NGDN: variants seen among roughly 807,000 people sequenced by gnomAD.
NGDN encodes EIF4E-binding protein.
NGDN carries 41 observed loss-of-function variants against 45.2 expected under a neutral mutation model. The ratio of observed to expected loss-of-function variants is 0.91; its 90% CI spans 0.71 to 1.18. The LOEUF (loss-of-function observed/expected upper bound fraction) is 1.18, where lower values mean the gene tolerates loss of function less well. Among genes scored for constraint, NGDN ranks in the 50% most tolerant of loss-of-function variants. The pLI is 0.00. For synonymous variants in NGDN, 137 were observed against 130.9 expected, an observed-to-expected ratio of 1.05 and a Z score of -0.32; for missense variants, 402 against 399.9, an observed-to-expected ratio of 1.01 and a Z score of -0.05.
At chr14:23,472,721 C>A (rs1049183627) in intron 3 of NGDN, among the ~76,000 whole-genome samples, 9 of 152,120 alleles carry the variant, frequency 5.9e-5, no homozygotes, top group African/African-American at 2.2e-4. Context: ...GTATGAAAAT[C>A]ATTGTAATAA....
chr14:23,477,719 AGCTG>A, intron 10 of NGDN, 159 bp downstream of exon 10: 1 of 1,466,394 alleles, frequency 6.8e-7, no homozygotes, highest in Non-Finnish European at 9.0e-7. Context: ...TGCTTTCCTG[AGCTG>A]GAAATCAGCA....
chr14:23,475,414 CCAAATGAGAAAAGGTATTTTTCTATT>C (rs1311226403), intron 4 of NGDN, 106 bp downstream of exon 4: 1 of 1,374,310 alleles, frequency 7.3e-7, no homozygotes, highest in Non-Finnish European at 1.0e-6. Flanking sequence ...TTTAAGGAAA[CCAAATGAGAAAAGGTATTTTTCTATT>C]CATTTGCTCT....
intron 1 of NGDN, 101 bp downstream of exon 1, chr14:23,469,828 G>A (rs1893730660): frequency 2.0e-6 from 3 of 1,511,128 alleles, no homozygotes; most frequent in Non-Finnish European, 2.7e-6. Flanking sequence ...GGGTGGTGAT[G>A]AAAGTTGCTT....
intron 3 of NGDN, 120 bp from the exon 4 acceptor site, chr14:23,475,051 C>A: frequency 1.1e-6 from 1 of 939,656 alleles, no homozygotes; most frequent in Non-Finnish European, 1.5e-6. Context: ...ATTCCAGATA[C>A]CTAATATGAA....
chr14:23,476,510 T>C, intron 8 of NGDN, 103 bp downstream of exon 8: 1 of 1,063,906 alleles, frequency 9.4e-7, no homozygotes, highest in Non-Finnish European at 1.3e-6. Flanking sequence ...TAATGTTACA[T>C]AGAAAATGGA....
intron 3 of NGDN, among the ~76,000 whole-genome samples, chr14:23,473,591 C>T (rs1259051557): frequency 6.6e-6 from 1 of 151,806 alleles, no homozygotes; most frequent in Non-Finnish European, 1.5e-5. Context: ...CTTTGGGAGG[C>T]TGAGGCAGGT....
At chr14:23,475,360 A>G (rs770852970) in intron 4 of NGDN, 52 bp downstream of exon 4, 5 of 1,561,326 alleles carry the variant, frequency 3.2e-6, no homozygotes, top group Non-Finnish European at 4.4e-6. Context: ...TTTGAGCTCC[A>G]AGGGTATCAC....
Position 23,476,093 on chromosome 14 carries a change from A to C in NGDN, c.485A>C (p.Lys162Thr). The C allele has an allele frequency of 6.2e-7, 1 of 1,614,152 alleles. No homozygotes were observed. The highest frequency in any genetic ancestry group is 1.3e-5 in the African/African-American group (1 of 75,062). The change falls in exon 7 of 11, where the codon AAA becomes ACA. Residue 162 changes from lysine to threonine, a missense_variant. Coordinates refer to ENST00000408901, the MANE Select transcript of NGDN (RefSeq NM_001042635.2). ...GACCAGTCTGAGGCTTCAGGGAAGA[A>C]ATCTGTGAAGGGAGTGTCTAAGAAA... ...EDDQSEASGK[K>T]SVKGVSKKYV...
intron 9 of NGDN, 57 bp from the exon 10 acceptor site, chr14:23,477,446 G>T: frequency 6.2e-7 from 1 of 1,612,468 alleles, no homozygotes; most frequent in Non-Finnish European, 8.5e-7. Flanking sequence ...AACTTGGGAA[G>T]GGATGCTGGC....
At chr14:23,471,073 G>A (rs746237842) in intron 3 of NGDN, 96 bp downstream of exon 3, 4 of 796,900 alleles carry the variant, frequency 5.0e-6, no homozygotes, top group Admixed American at 3.5e-5. Context: ...CTAAGTGCTC[G>A]AGCTTCAAAC....
rs751152680 is a variant in NGDN, at chr14:23,476,147, A to C, written c.539A>C (p.His180Pro). ...KYVPPRLVPVHYDETEAEREK... is the reference protein window; with the variant it reads ...KYVPPRLVPVPYDETEAEREK... ...GTTCCTCCACGCTTGGTTCCAGTAC[A>C]TTATGGTATAAACTTTGGCTGCTGC... Residue 180 changes from histidine to proline, a missense_variant, in exon 7 of 11, where the codon CAT becomes CCT. Physicochemically the swap from His to Pro is moderately conservative, Grantham distance 77. Coordinates refer to ENST00000408901, the MANE Select transcript of NGDN (RefSeq NM_001042635.2). The C allele has an allele frequency of 1.2e-6, 2 of 1,614,064 alleles. No homozygotes were observed. The highest frequency in any genetic ancestry group is 2.7e-5 in the African/African-American group (2 of 74,932).
At chr14:23,478,304 A>C, downstream of NGDN, 1 of 385,514 alleles carries the variant, frequency 2.6e-6, no homozygotes. Flanking sequence ...CTTTGATAAT[A>C]TATTTTTCCC....
In NGDN at chr14:23,475,163, C is replaced by T. The variant is rs763983832; in HGVS notation, c.145-8C>T. The T allele has an allele frequency of 6.2e-7, 1 of 1,604,188 alleles. No homozygotes were observed. The highest frequency in any genetic ancestry group is 8.5e-7 in the Non-Finnish European group (1 of 1,176,998). On this transcript the variant is annotated splice_polypyrimidine_tract_variant and splice_region_variant and intron_variant, in intron 3 of 10. Transcript: ENST00000408901. Reference sequence around the variant, plus strand: ...AATCTGTTTTTCTTTCTGTTTTGTTCAACTCAGGGTCTCAGCTTCTTGGAA... The same window carrying T: ...AATCTGTTTTTCTTTCTGTTTTGTTTAACTCAGGGTCTCAGCTTCTTGGAA...
chr14:23,476,098 G>C lies in NGDN; in HGVS notation c.490G>C (p.Val164Leu), dbSNP rs376061768. 2 of 1,614,128 alleles carry C rather than the reference G, an allele frequency of 1.2e-6. No individual in the cohort carries two copies. Among genetic ancestry groups the C allele is most frequent in the East Asian group, 2.2e-5 (1 of 44,888 alleles). ...GTCTGAGGCTTCAGGGAAGAAATCTGTGAAGGGAGTGTCTAAGAAATATGT... is the reference window on the plus strand; with the variant it reads ...GTCTGAGGCTTCAGGGAAGAAATCTCTGAAGGGAGTGTCTAAGAAATATGT... ...DQSEASGKKS[V>L]KGVSKKYVPP... The change falls in exon 7 of 11, where the codon GTG (valine) becomes CTG (leucine). Residue 164 changes from valine to leucine, a missense_variant. Val to Leu is a conservative substitution (Grantham distance 32). Coordinates refer to ENST00000408901, the MANE Select transcript of NGDN (RefSeq NM_001042635.2).
intron 2 of NGDN, 62 bp from the exon 3 acceptor site, chr14:23,470,844 T>C (rs1221045963): frequency 1.5e-6 from 2 of 1,345,410 alleles, no homozygotes; most frequent in Non-Finnish European, 1.0e-6. Flanking sequence ...CTTTTGCTCT[T>C]CACAGTTTGC....
In NGDN at chr14:23,470,146, T is replaced by C. The variant is rs1002846471; in HGVS notation, c.72+45T>C. ...GAATAAATTAGTCACGGATTGGCTT[T>C]GAGTTTGTGTACTTCACCTCAAAAC... is the stretch of plus-strand genomic sequence containing the variant. On this transcript the variant is annotated intron_variant, in intron 2 of 10. Coordinates refer to ENST00000408901, the MANE Select transcript of NGDN (RefSeq NM_001042635.2). 9 of 1,551,904 alleles carry C rather than the reference T, an allele frequency of 5.8e-6. No individual in the cohort carries two copies. The East Asian group carries it at 9.0e-5, about 15-fold the overall frequency.
Position 23,470,022 on chromosome 14 carries a change from G to T in NGDN, c.13-20G>T. The T allele has an allele frequency of 6.2e-7, 1 of 1,612,628 alleles. No homozygotes were observed. Among genetic ancestry groups the T allele is most frequent in the Non-Finnish European group, 8.5e-7 (1 of 1,179,118 alleles). On this transcript the variant is annotated intron_variant, in intron 1 of 10. Coordinates refer to ENST00000408901, the MANE Select transcript of NGDN (RefSeq NM_001042635.2). ...TGAGGAAAGAATGACTTTTCTTTAC[G>T]CCTCCTCTCCCTTCTGTAGGGGGTG...
chr14:23,470,533 A>G (rs1364878894), intron 2 of NGDN, among the ~76,000 whole-genome samples: 1 of 152,222 alleles, frequency 6.6e-6, no homozygotes, highest in Non-Finnish European at 1.5e-5. Flanking sequence ...TTTCTACCGA[A>G]TGCATATTTC....
chr14:23,476,099 T>C lies in NGDN; in HGVS notation c.491T>C (p.Val164Ala). The change falls in exon 7 of 11, where the codon GTG (valine) becomes GCG (alanine). Residue 164 changes from valine to alanine, a missense_variant. Transcript: ENST00000408901. ...TCTGAGGCTTCAGGGAAGAAATCTG[T>C]GAAGGGAGTGTCTAAGAAATATGTT... Reference protein sequence around the residue: ...DQSEASGKKSVKGVSKKYVPP... With the variant: ...DQSEASGKKSAKGVSKKYVPP... The C allele has an allele frequency of 1.9e-6, 3 of 1,614,106 alleles. No individual in the cohort carries two copies. Among genetic ancestry groups the C allele is most frequent in the Non-Finnish European group, 2.5e-6 (3 of 1,179,980 alleles).
Sources: gnomAD v4.1 joint callset for allele counts (sites outside exome capture counted in the v4.1 genomes callset) on GRCh38, gnomAD v4.1.1 for gene constraint, MANE v1.5 for transcripts, NCBI Gene and HGNC (gene_info 2026-07-23, HGNC 2026-07-21) for gene names.